Variants in FUT9 observed in about 807,000 individuals in gnomAD.
The protein encoded by FUT9 is fucosyltransferase 9, also known as 4-galactosyl-N-acetylglucosaminide 3-alpha-L-fucosyltransferase 9.
FUT9 carries 15 observed loss-of-function variants against 29.7 expected under a neutral mutation model. The ratio of observed to expected loss-of-function variants is 0.51; its 90% CI spans 0.34 to 0.78. FUT9 has a LOEUF of 0.78. Among genes scored for constraint, FUT9 ranks in the 30% least tolerant of loss-of-function variants. FUT9 has a pLI of 0.01. For missense variants in FUT9, 319 were observed against 425.4 expected (o/e 0.75, Z 2.20); for synonymous variants, 169 against 153.7 (o/e 1.10, Z -0.74).
rs1388179164 is a variant in FUT9, at chr6:96,141,872, G to GACT, written c.-9+27748_-9+27750dup. On this transcript the variant is annotated intron_variant, in intron 2 of 2. Coordinates refer to ENST00000302103, the MANE Select transcript of FUT9 (RefSeq NM_006581.4). ...TAGCTAAGGTTTGCCTACTTTTCTT[G>GACT]ACTACAGTTTAAAATTTCTCTCTTC... 2.6e-5 allele frequency among the ~76,000 whole-genome samples: 4 copies of GACT among 152,202 alleles called. No individual in the cohort carries two copies. In the East Asian group the frequency reaches 7.7e-4, roughly 29 times the overall value.
intron 2 of FUT9, among the ~76,000 whole-genome samples, chr6:96,170,274 G>A (rs1773087253): frequency 6.6e-6 from 1 of 152,040 alleles, no homozygotes; most frequent in African/African-American, 2.4e-5. Flanking sequence ...TGCACAGTAG[G>A]TCAAATCGAT....
intron 1 of FUT9, among the ~76,000 whole-genome samples, chr6:96,039,382 T>C (rs1489785298): frequency 6.6e-6 from 1 of 152,130 alleles, no homozygotes; most frequent in Non-Finnish European, 1.5e-5. Context: ...TTACTACCTA[T>C]ACTACCTACT....
At chr6:96,041,857 G>A (rs1304625215) in intron 1 of FUT9, among the ~76,000 whole-genome samples, 2 of 152,058 alleles carry the variant, frequency 1.3e-5, no homozygotes, top group African/African-American at 2.4e-5. Flanking sequence ...GAAGGGTAGT[G>A]TTTTTTCTGT....
At chr6:96,162,627 C>T (rs918338874) in intron 2 of FUT9, among the ~76,000 whole-genome samples, 14 of 152,128 alleles carry the variant, frequency 9.2e-5, no homozygotes, top group Admixed American at 9.2e-4. Context: ...AATCTAACTC[C>T]TAGCCAGACT....
intron 1 of FUT9, among the ~76,000 whole-genome samples, chr6:96,045,891 G>A (rs1770554871): frequency 6.6e-6 from 1 of 152,238 alleles, no homozygotes; most frequent in Non-Finnish European, 1.5e-5. Flanking sequence ...CCTCGAGGAG[G>A]AGGACAGCTA....
intron 1 of FUT9, among the ~76,000 whole-genome samples, chr6:96,064,984 A>G (rs558200271): frequency 7.2e-5 from 11 of 152,336 alleles, no homozygotes; most frequent in African/African-American, 2.6e-4. Flanking sequence ...TCTAAACAGT[A>G]AAAATGAAAA....
At chr6:96,113,625 G>A (rs1251950667) in intron 1 of FUT9, among the ~76,000 whole-genome samples, 1 of 151,760 alleles carries the variant, frequency 6.6e-6, no homozygotes, top group Non-Finnish European at 1.5e-5. Context: ...GGAGGCCGAG[G>A]CGGGCGGATC....
chr6:96,123,763 G>A (rs757433324), intron 2 of FUT9, among the ~76,000 whole-genome samples: 1 of 152,022 alleles, frequency 6.6e-6, no homozygotes, highest in Admixed American at 6.6e-5. Flanking sequence ...TCATTTCCTA[G>A]GAGCGTGGGG....
chr6:96,171,837 TC>T, intron 2 of FUT9, among the ~76,000 whole-genome samples: 1 of 152,258 alleles, frequency 6.6e-6, no homozygotes, highest in Non-Finnish European at 1.5e-5. Flanking sequence ...TAGTCAAGTG[TC>T]CTGAAACACC....
At chr6:96,073,448 C>CAAA (rs58982988) in intron 1 of FUT9, among the ~76,000 whole-genome samples, 18 of 61,386 alleles carry the variant, frequency 2.9e-4, no homozygotes, top group African/African-American at 9.8e-4. Context: ...GACTCCGTCT[C>CAAA]AAAAAAAAAA....
rs1485501960 is a variant in FUT9 at position 96,093,994 on chromosome 6, C to T, written c.-97-20045C>T. Among the ~76,000 whole-genome samples, 6 of 152,238 alleles carry T rather than the reference C, an allele frequency of 3.9e-5. No homozygotes were observed. In the East Asian group the frequency reaches 1.2e-3, roughly 29 times the overall value. ...GAAAGTTTTGCTGAAATTAATGAGG[C>T]TGGAATGTATATGTCATGTTTTAAT... On this transcript the variant is annotated intron_variant, in intron 1 of 2. Coordinates refer to ENST00000302103, the MANE Select transcript of FUT9 (RefSeq NM_006581.4).
chr6:96,098,123 G>T (rs1771531358), intron 1 of FUT9, among the ~76,000 whole-genome samples: 1 of 151,480 alleles, frequency 6.6e-6, no homozygotes, highest in Admixed American at 6.6e-5. Flanking sequence ...AAAAAAATAA[G>T]ACTTGCAGAT....
intron 1 of FUT9, chr6:96,037,395 T>C (rs1439346695): frequency 6.6e-6 from 1 of 151,986 alleles, no homozygotes; most frequent in Non-Finnish European, 1.5e-5. Context: ...TTGAGAGAAA[T>C]AAGTGTAATA....
intron 2 of FUT9, among the ~76,000 whole-genome samples, chr6:96,123,706 A>C (rs1772075893): frequency 6.6e-6 from 1 of 152,068 alleles, no homozygotes; most frequent in African/African-American, 2.4e-5. Flanking sequence ...CAGTTTTAAA[A>C]CCACTTCTGG....
intron 1 of FUT9, among the ~76,000 whole-genome samples, chr6:96,055,145 TG>T (rs1770739414): frequency 6.6e-6 from 1 of 152,198 alleles, no homozygotes; most frequent in African/African-American, 2.4e-5. Flanking sequence ...TCTGATTAAT[TG>T]ATTTATAAAT....
At chr6:96,203,009 GATA>G in intron 2 of FUT9, 136 bp from the exon 3 acceptor site, 1 of 646,086 alleles carries the variant, frequency 1.5e-6, no homozygotes, top group South Asian at 2.7e-5. Context: ...TCAATGGTTT[GATA>G]ACACTGAAAA....
chr6:96,046,611 T>C (rs912012624), intron 1 of FUT9, among the ~76,000 whole-genome samples: 1 of 152,190 alleles, frequency 6.6e-6, no homozygotes, highest in East Asian at 1.9e-4. Context: ...TTTCTTCACT[T>C]ATTTGTTAAC....
At chr6:96,119,990 A>AGGCAAATG (rs1330447581) in intron 2 of FUT9, among the ~76,000 whole-genome samples, 1 of 152,198 alleles carries the variant, frequency 6.6e-6, no homozygotes. Flanking sequence ...TAGGTATAGG[A>AGGCAAATG]GGCAAATGCA....
intron 1 of FUT9, among the ~76,000 whole-genome samples, chr6:96,088,312 T>C (rs938696537): frequency 3.3e-5 from 5 of 152,084 alleles, no homozygotes; most frequent in African/African-American, 1.2e-4. Flanking sequence ...AATTTTATTA[T>C]GATATGCTGT....
Sources: gnomAD v4.1 joint callset for allele counts (sites outside exome capture counted in the v4.1 genomes callset) on GRCh38, gnomAD v4.1.1 for gene constraint, MANE v1.5 for transcripts, NCBI Gene and HGNC (gene_info 2026-07-23, HGNC 2026-07-21) for gene names.